Variants in SETD1A observed in about 807,000 individuals in gnomAD.
SETD1A encodes the protein SET domain containing 1A, histone lysine methyltransferase.
Under a neutral mutation model 149.9 loss-of-function variants are expected in SETD1A, and 29 were observed. The observed-to-expected ratio is 0.19, with a 90% confidence interval of 0.14 to 0.26. The LOEUF (loss-of-function observed/expected upper bound fraction) is 0.26. Ranked by LOEUF, SETD1A falls within the 10% of genes least tolerant of loss-of-function variation. SETD1A has a pLI of 1.00. For synonymous variants in SETD1A, 1,141 were observed against 968.5 expected (o/e 1.18, Z -3.31); for missense variants, 2,109 against 2,353.1 (o/e 0.90, Z 2.15).
In SETD1A at chr16:30,967,555, C is replaced by T. The variant is rs2056165149; in HGVS notation, c.2737C>T (p.Arg913Cys). Residue 913 changes from arginine to cysteine, a missense_variant, in exon 10 of 19, where the codon CGT (arginine) becomes TGT (cysteine). Physicochemically the swap from Arg to Cys is radical, Grantham distance 180. Coordinates refer to ENST00000262519, the MANE Select transcript of SETD1A (RefSeq NM_014712.3). Reference protein sequence around the residue: ...ISEASEEKRPRPSTPAEEDED... With the variant: ...ISEASEEKRPCPSTPAEEDED... ...CGAGGCCAGTGAGGAAAAGAGGCCT[C>T]GTCCCTCCACTCCTGCTGAGGAAGA... 7.4e-6 allele frequency: 12 copies of T among 1,613,834 alleles called. No individual in the cohort carries two copies. In the East Asian group the frequency reaches 1.8e-4, roughly 24 times the overall value.
At position 30,979,699 on chromosome 16, in the gene SETD1A, G is replaced by A. The variant is rs751542649; in HGVS notation, c.3913G>A (p.Ala1305Thr). ...HILLEHNYAL[A>T]VKPTPPAPAL... ...CCTCCTGGAGCACAACTATGCCCTG[G>A]CCGTCAAGCCCACGCCCCCTGCGCC... is the stretch of plus-strand genomic sequence containing the variant. Residue 1305 changes from alanine to threonine, a missense_variant, in exon 14 of 19, where the codon GCC (alanine) becomes ACC (threonine). Ala to Thr is a moderately conservative substitution (Grantham distance 58, BLOSUM62 0). This residue lies in a region of SETD1A where 832 missense variants were observed against 815.6 expected (regional missense o/e 1.02). Transcript: ENST00000262519. The A allele has an allele frequency of 1.4e-5, 23 of 1,604,254 alleles. No individual in the cohort carries two copies. In the Admixed American group the frequency reaches 3.5e-4, roughly 24 times the overall value.
rs751326694 is a variant in SETD1A, at chr16:30,966,853, C to T, written c.2506-31C>T. ...CAGGAGGGAATGCCTGGGTTCTGGG[C>T]GCTGGGGCTCAGCCCCACTGCTGCC... On this transcript the variant is annotated intron_variant, in intron 8 of 18. Coordinates refer to ENST00000262519, the MANE Select transcript of SETD1A (RefSeq NM_014712.3). 84 of 1,522,038 alleles carry T rather than the reference C, an allele frequency of 5.5e-5. 1 individual carries two copies. The highest frequency in any genetic ancestry group is 5.5e-4 in the South Asian group (44 of 79,880). 94.3% of individuals were successfully genotyped at this position (1,522,038 alleles called of 1,614,324 possible). A position where few individuals can be genotyped will look rare whatever the true frequency, so the allele number is the denominator to read the frequency against.
chr16:30,958,491 G>C, intron 1 of SETD1A: 1 of 536,312 alleles, frequency 1.9e-6, no homozygotes, highest in Non-Finnish European at 3.3e-6. Context: ...GGGGGCTCGA[G>C]ACGGGCCTGG....
chr16:30,960,289 C>T (rs1448031244), intron 3 of SETD1A, among the ~76,000 whole-genome samples: 1 of 152,140 alleles, frequency 6.6e-6, no homozygotes, highest in Non-Finnish European at 1.5e-5. Context: ...ATTGACCTGG[C>T]CAAGCCTTAT....
Position 30,965,407 on chromosome 16 carries a change from G to A in SETD1A, c.1665G>A (p.Gly555=). The change falls in exon 7 of 19, where the codon GGG becomes GGA. Residue 555 remains glycine, a synonymous_variant. Transcript: ENST00000262519. ...PANFEDVAPT[G]SGEPGATRES... ...ATTTTGAGGATGTGGCACCTACAGG[G>A]AGCGGGGAGCCAGGGGCTACCCGGG... 1.9e-6 allele frequency: 3 copies of A among 1,604,910 alleles called. No individual in the cohort carries two copies. The highest frequency in any genetic ancestry group is 1.1e-5 in the South Asian group (1 of 90,858).
At chr16:30,973,475 G>A (rs567431778) in intron 13 of SETD1A, among the ~76,000 whole-genome samples, 7 of 152,186 alleles carry the variant, frequency 4.6e-5, no homozygotes, top group Admixed American at 2.0e-4. Context: ...TCAACATGGC[G>A]AAACCCCATC....
intron 8 of SETD1A, 145 bp downstream of exon 8, chr16:30,966,531 G>GTT: frequency 1.5e-6 from 2 of 1,324,552 alleles, no homozygotes; most frequent in Non-Finnish European, 2.0e-6. Context: ...ACCCTGGGTG[G>GTT]GCAGGGGAGT....
rs965803078 is a variant in SETD1A at position 30,967,553 on chromosome 16, C to T, written c.2735C>T (p.Pro912Leu). The change falls in exon 10 of 19, where the codon CCT becomes CTT. Residue 912 changes from proline (P) to leucine (L), a missense_variant. Pro to Leu is a moderately conservative substitution (Grantham distance 98). Coordinates refer to ENST00000262519, the MANE Select transcript of SETD1A (RefSeq NM_014712.3). ...TCCGAGGCCAGTGAGGAAAAGAGGC[C>T]TCGTCCCTCCACTCCTGCTGAGGAA... ...EISEASEEKR[P>L]RPSTPAEEDE... is the part of the protein sequence containing the mutation. The T allele has an allele frequency of 1.2e-6, 2 of 1,613,800 alleles. No individual in the cohort carries two copies. Among genetic ancestry groups the T allele is most frequent in the Admixed American group, 1.7e-5 (1 of 59,930 alleles).
chr16:30,968,946 A>T (rs1357280020), intron 10 of SETD1A, among the ~76,000 whole-genome samples: 2 of 152,174 alleles, frequency 1.3e-5, no homozygotes, highest in African/African-American at 4.8e-5. Flanking sequence ...CTCTACAAAA[A>T]TTTTTAAAAA....
At chr16:30,975,973 A>AG (rs2056279649) in intron 13 of SETD1A, among the ~76,000 whole-genome samples, 1 of 152,028 alleles carries the variant, frequency 6.6e-6, no homozygotes, top group Non-Finnish European at 1.5e-5. Context: ...GAGGTGGAGG[A>AG]GTAGCTTCCA....
chr16:30,979,995 T>TCCGCCCCCACCCCCG lies in SETD1A; in HGVS notation c.4215_4229dup (p.Pro1408_Pro1412dup). On this transcript the variant is annotated inframe_insertion, in exon 14 of 19. Transcript: ENST00000262519. ...GCTCCCACGCCCGGCGCCGCCGCCCTCCGCCCCCACCCCCGCCGCCACCGC... is the reference window on the plus strand; with the variant it reads ...GCTCCCACGCCCGGCGCCGCCGCCCTCCGCCCCCACCCCCGCCGCCCCCACCCCCGCCGCCACCGC... The TCCGCCCCCACCCCCG allele has an allele frequency of 4.2e-6, 2 of 477,112 alleles. No homozygotes were observed. The highest frequency in any genetic ancestry group is 1.9e-5 in the South Asian group (1 of 51,894). The allele number at this position is 477,112 out of a possible 1,614,324, so 29.6% of individuals were successfully genotyped here. A position where few individuals can be genotyped will look rare whatever the true frequency, so the allele number is the denominator to read the frequency against.
Position 30,983,897 on chromosome 16 carries a change from C to G in SETD1A, c.4998C>G (p.Ile1666Met), listed in dbSNP as rs763880468. The G allele has an allele frequency of 1.2e-6, 2 of 1,612,476 alleles. No individual in the cohort carries two copies. Among genetic ancestry groups the G allele is most frequent in the Admixed American group, 3.4e-5 (2 of 59,692 alleles). The change falls in exon 19 of 19, where the codon ATC (isoleucine) becomes ATG (methionine). Residue 1666 changes from isoleucine to methionine, a missense_variant. By Grantham distance (10) the Ile-to-Met change is conservative. Coordinates refer to ENST00000262519, the MANE Select transcript of SETD1A (RefSeq NM_014712.3). The surrounding 1 kb of genome is among the most constrained non-coding windows in gnomAD (Gnocchi z 6.8). ...TCACCATCGAGTCCCAGAAGAAGATCGTGATCTACTCCAAGCAGCCCATTG... is the reference window on the plus strand; with the variant it reads ...TCACCATCGAGTCCCAGAAGAAGATGGTGATCTACTCCAAGCAGCCCATTG... The part of the protein sequence containing the change: ...KVITIESQKK[I>M]VIYSKQPIGV...
chr16:30,962,942 T>C (rs1343152994), intron 4 of SETD1A, among the ~76,000 whole-genome samples: 1 of 152,260 alleles, frequency 6.6e-6, no homozygotes, highest in East Asian at 1.9e-4. Context: ...TCTCATGGTT[T>C]TTAAATACCA....
intron 13 of SETD1A, among the ~76,000 whole-genome samples, chr16:30,978,072 G>A (rs562260798): frequency 2.6e-5 from 4 of 151,684 alleles, no homozygotes; most frequent in East Asian, 1.9e-4. Context: ...TCAAGAGATC[G>A]AGACCATCCT....
At chr16:30,965,534 G>T (rs1001071168) in intron 7 of SETD1A, 67 bp from the exon 8 acceptor site, 60 of 1,591,686 alleles carry the variant, frequency 3.8e-5, no homozygotes, top group Middle Eastern at 1.7e-4. Context: ...AGAGGGAAGG[G>T]AACCAGATGA....
intron 3 of SETD1A, among the ~76,000 whole-genome samples, 156 bp downstream of exon 3, chr16:30,959,342 T>C (rs1371756501): frequency 6.6e-6 from 1 of 152,146 alleles, no homozygotes; most frequent in African/African-American, 2.4e-5. Flanking sequence ...GGATAGGAGG[T>C]ACACTTAATC....
rs374930289 is a variant in SETD1A at position 30,967,070 on chromosome 16, A to T, written c.2682+10A>T. 1 of 1,559,506 alleles carries T rather than the reference A, an allele frequency of 6.4e-7. No individual in the cohort carries two copies. The highest frequency in any genetic ancestry group is 8.7e-7 in the Non-Finnish European group (1 of 1,152,346). ...GCTGCCTTCATTCAAGGTACTCAGAACTGTCGTTTTGTGGGGTAGGGTGGG... is the reference window on the plus strand; with the variant it reads ...GCTGCCTTCATTCAAGGTACTCAGATCTGTCGTTTTGTGGGGTAGGGTGGG... On this transcript the variant is annotated intron_variant, in intron 9 of 18. Coordinates refer to ENST00000262519, the MANE Select transcript of SETD1A (RefSeq NM_014712.3).
chr16:30,983,548 G>A lies in SETD1A; in HGVS notation c.4813-87G>A. The A allele has an allele frequency of 6.7e-7, 1 of 1,487,896 alleles. No homozygotes were observed. The allele number at this position is 1,487,896 out of a possible 1,614,324, so 92.2% of individuals were successfully genotyped here. A position where few individuals can be genotyped will look rare whatever the true frequency, so the allele number is the denominator to read the frequency against. The stretch of plus-strand genomic sequence containing the variant: ...AGAGCTGCAGCTCCAGGCCTGGTGG[G>A]CGTGGACCTGGGGTGCTGGCTGGCA... On this transcript the variant is annotated intron_variant, in intron 17 of 18. Transcript: ENST00000262519. The surrounding 1 kb of genome is among the most constrained non-coding windows in gnomAD (Gnocchi z 6.8).
chr16:30,963,987 G>A (rs12445981), intron 5 of SETD1A, 107 bp from the exon 6 acceptor site: 23 of 910,150 alleles, frequency 2.5e-5, no homozygotes, highest in South Asian at 2.1e-4. Flanking sequence ...GCGAGACTCC[G>A]TCTCAAAAAA....
Sources: allele counts gnomAD v4.1 joint callset (sites outside exome capture counted in the v4.1 genomes callset), GRCh38; gene constraint gnomAD v4.1.1; regional missense constraint gnomAD v4.1.1; non-coding constraint Gnocchi (gnomAD v3.1); transcripts MANE v1.5; gene names NCBI Gene and HGNC (gene_info 2026-07-23, HGNC 2026-07-21).